NT5DC1: variants seen among roughly 807,000 people sequenced by gnomAD.
NT5DC1 encodes 5'-nucleotidase domain-containing protein 1.
A neutral mutation model predicts 59.4 loss-of-function variants in NT5DC1; 42 were observed. The ratio of observed to expected loss-of-function variants is 0.71; its 90% CI spans 0.55 to 0.92. The LOEUF (loss-of-function observed/expected upper bound fraction) is 0.92, where lower values mean the gene tolerates loss of function less well. Among genes scored for constraint, NT5DC1 ranks in the 40% least tolerant of loss-of-function variants. NT5DC1 has a pLI of 0.00. For synonymous variants in NT5DC1, 172 were observed against 188.1 expected, an observed-to-expected ratio of 0.91 and a Z score of 0.70; for missense variants, 501 against 537.1, an observed-to-expected ratio of 0.93 and a Z score of 0.66.
intron 6 of NT5DC1, among the ~76,000 whole-genome samples, chr6:116,136,098 A>G (rs945105939): frequency 6.6e-6 from 1 of 151,432 alleles, no homozygotes; most frequent in Non-Finnish European, 1.5e-5. Context: ...GTGACCCTCC[A>G]CTCTGCAGCC....
chr6:116,168,172 A>G (rs1239297558), intron 6 of NT5DC1, among the ~76,000 whole-genome samples: 2 of 150,024 alleles, frequency 1.3e-5, no homozygotes, highest in East Asian at 3.9e-4. Flanking sequence ...ATTCTGAGCC[A>G]TTATCTCTAA....
chr6:116,142,368 C>A (rs1377353609), intron 6 of NT5DC1, among the ~76,000 whole-genome samples: 1 of 151,184 alleles, frequency 6.6e-6, no homozygotes, highest in Non-Finnish European at 1.5e-5. Flanking sequence ...AACATAAAAA[C>A]CACATAAACT....
intron 6 of NT5DC1, chr6:116,119,744 GT>G (rs371155563): frequency 2.2e-3 from 460 of 212,186 alleles, no homozygotes; most frequent in East Asian, 5.5e-3. Flanking sequence ...CTCTATTTCT[GT>G]TTTTTTTTTT....
At chr6:116,216,143 A>G (rs1349304639) in intron 6 of NT5DC1, among the ~76,000 whole-genome samples, 4 of 152,072 alleles carry the variant, frequency 2.6e-5, no homozygotes, top group East Asian at 1.9e-4. Flanking sequence ...ATCAACCACA[A>G]TGACATTTAA....
intron 6 of NT5DC1, among the ~76,000 whole-genome samples, chr6:116,214,486 G>A (rs1025398123): frequency 3.9e-5 from 6 of 152,076 alleles, no homozygotes; most frequent in Non-Finnish European, 8.8e-5. Flanking sequence ...TCAAAAAGCT[G>A]TCTGGTTTTA....
intron 6 of NT5DC1, among the ~76,000 whole-genome samples, chr6:116,156,502 A>T (rs1780197983): frequency 6.6e-6 from 1 of 152,202 alleles, no homozygotes; most frequent in South Asian, 2.1e-4. Context: ...GTAAAAAGGA[A>T]TGCGTCTTAA....
At position 116,121,513 on chromosome 6, in the gene NT5DC1, C is replaced by A. The variant is rs747962638; in HGVS notation, c.529+3568C>A. 4.3e-6 allele frequency: 7 copies of A among 1,614,022 alleles called. No individual in the cohort carries two copies. The African/African-American group carries it at 6.7e-5, about 15-fold the overall frequency. On this transcript the variant is annotated intron_variant, in intron 6 of 11. Coordinates refer to ENST00000319550, the MANE Select transcript of NT5DC1 (RefSeq NM_152729.3). The stretch of plus-strand genomic sequence containing the variant: ...GACCCTGAGGGCCTGGAAGACCCCT[C>A]TCACCTGGACGACCAGGAGCACCAT...
intron 6 of NT5DC1, among the ~76,000 whole-genome samples, chr6:116,139,380 A>C (rs1003864775): frequency 1.3e-5 from 2 of 152,200 alleles, no homozygotes; most frequent in Non-Finnish European, 2.9e-5. Context: ...AATACAGTCT[A>C]AAGCTGACTC....
At chr6:116,226,215 T>TAG (rs1781906453) in intron 8 of NT5DC1, among the ~76,000 whole-genome samples, 1 of 152,176 alleles carries the variant, frequency 6.6e-6, no homozygotes, top group Non-Finnish European at 1.5e-5. Context: ...TTTACAAACT[T>TAG]ACATTTAAAT....
intron 6 of NT5DC1, among the ~76,000 whole-genome samples, chr6:116,140,969 G>C (rs961764862): frequency 6.6e-6 from 1 of 152,084 alleles, no homozygotes; most frequent in Middle Eastern, 3.2e-3. Flanking sequence ...TTTCTAGGAA[G>C]TATACCTAGG....
intron 8 of NT5DC1, among the ~76,000 whole-genome samples, chr6:116,224,650 T>A (rs1781873741): frequency 6.6e-6 from 1 of 152,120 alleles, no homozygotes; most frequent in Non-Finnish European, 1.5e-5. Flanking sequence ...AAGAGAGTAG[T>A]TTTGTCACAT....
chr6:116,121,772 C>T (rs1172366817), intron 6 of NT5DC1: 5 of 1,613,854 alleles, frequency 3.1e-6, no homozygotes, highest in East Asian at 2.2e-5. Context: ...TCCTGGTTTT[C>T]CTGGGAGTCC....
chr6:116,193,457 G>A (rs1582865780), intron 6 of NT5DC1, among the ~76,000 whole-genome samples: 1 of 152,102 alleles, frequency 6.6e-6, no homozygotes, highest in Non-Finnish European at 1.5e-5. Context: ...CTTGCTTGCT[G>A]TGTGATCTTG....
At chr6:116,110,742 T>C in intron 3 of NT5DC1, 108 bp from the exon 4 acceptor site, 1 of 840,602 alleles carries the variant, frequency 1.2e-6, no homozygotes, top group Non-Finnish European at 2.1e-6. Context: ...AAAAAATACA[T>C]ATGTTTTTGT....
chr6:116,190,138 A>G (rs991344522), intron 6 of NT5DC1, among the ~76,000 whole-genome samples: 3 of 151,954 alleles, frequency 2.0e-5, no homozygotes, highest in Non-Finnish European at 4.4e-5. Flanking sequence ...TGTAATATCT[A>G]TATCATACCT....
At position 116,236,951 on chromosome 6, in the gene NT5DC1, A is replaced by G. The variant is rs775369462; in HGVS notation, c.803-15A>G. 5.3e-6 allele frequency: 8 copies of G among 1,508,828 alleles called. No individual in the cohort carries two copies. In the East Asian group the frequency reaches 1.8e-4, roughly 34 times the overall value. 93.5% of individuals were successfully genotyped at this position (1,508,828 alleles called of 1,614,324 possible). ...CTTGATTAAAAAGTATATGATTGTC[A>G]AACTGTATTTTCAGAGAATGATGAG... is the stretch of plus-strand genomic sequence containing the variant. On this transcript the variant is annotated splice_polypyrimidine_tract_variant and intron_variant, in intron 8 of 11. Coordinates refer to ENST00000319550, the MANE Select transcript of NT5DC1 (RefSeq NM_152729.3).
chr6:116,157,051 C>G (rs937639936), intron 6 of NT5DC1, among the ~76,000 whole-genome samples: 1 of 152,166 alleles, frequency 6.6e-6, no homozygotes, highest in African/African-American at 2.4e-5. Context: ...TGCCTCCCTT[C>G]CACCAAATAG....
At chr6:116,120,863 G>A in intron 6 of NT5DC1, 1 of 1,613,818 alleles carries the variant, frequency 6.2e-7, no homozygotes, top group Non-Finnish European at 8.5e-7. Context: ...TGGGAGACCA[G>A]GAGGTCCTCC....
At chr6:116,165,428 T>G (rs1780441230) in intron 6 of NT5DC1, among the ~76,000 whole-genome samples, 1 of 152,260 alleles carries the variant, frequency 6.6e-6, no homozygotes. Context: ...CCAATATGTT[T>G]TCCAAATTGC....
Sources: gnomAD v4.1 joint callset for allele counts (sites outside exome capture counted in the v4.1 genomes callset) on GRCh38, gnomAD v4.1.1 for gene constraint, MANE v1.5 for transcripts, NCBI Gene and HGNC (gene_info 2026-07-23, HGNC 2026-07-21) for gene names.